The following KLHL1 variants were observed in gnomAD, a reference collection of about 807,000 sequenced individuals.
KLHL1 encodes the protein kelch-like protein 1.
A neutral mutation model predicts 77.7 loss-of-function variants in KLHL1; 47 were observed. The ratio of observed to expected loss-of-function variants is 0.60; its 90% CI spans 0.48 to 0.77. The LOEUF is 0.77. KLHL1 is among the 30% of genes least tolerant of loss of function. The pLI is 0.00. For missense variants in KLHL1, 925 were observed against 910.8 expected, an observed-to-expected ratio of 1.02 and a Z score of -0.20; for synonymous variants, 360 against 325.2, an observed-to-expected ratio of 1.11 and a Z score of -1.15.
intron 7 of KLHL1, among the ~76,000 whole-genome samples, chr13:69,758,694 G>T (rs1220225088): frequency 6.6e-6 from 1 of 152,002 alleles, no homozygotes; most frequent in Non-Finnish European, 1.5e-5. Context: ...AGCATTTATA[G>T]AAAAGAACCA....
At position 69,780,716 on chromosome 13, in the gene KLHL1, GTATATA is replaced by G. The variant is rs1290786295; in HGVS notation, c.1639+16016_1639+16021del. 2.5e-4 allele frequency among the ~76,000 whole-genome samples: 12 copies of G among 47,696 alleles called. No homozygotes were observed. The East Asian group carries it at 5.6e-3, about 22-fold the overall frequency. The allele number at this position is 47,696 out of a possible 152,430, so 31.3% of individuals were successfully genotyped here. A position where few individuals can be genotyped will look rare whatever the true frequency, so the allele number is the denominator to read the frequency against. ...TATATATATATGTATATATATATAT[GTATATA>G]TATATATATACATATATATATACAT... On this transcript the variant is annotated intron_variant, in intron 7 of 10. Transcript: ENST00000377844.
chr13:69,960,084 G>A (rs966583722), intron 3 of KLHL1, among the ~76,000 whole-genome samples: 33 of 147,724 alleles, frequency 2.2e-4, no homozygotes, highest in Admixed American at 6.8e-5. Context: ...TTGCTGCTTT[G>A]AGATTAAGCA....
rs1324246935 is a variant in KLHL1, at chr13:70,084,461, C to CTTTTTTTTTTTTTTTTTTTTTT, written c.497+22741_497+22742insAAAAAAAAAAAAAAAAAAAAAA. On this transcript the variant is annotated intron_variant, in intron 1 of 10. Coordinates refer to ENST00000377844, the MANE Select transcript of KLHL1 (RefSeq NM_020866.3). ...GATATTTTCTAGTCTATTTCTTCTT[C>CTTTTTTTTTTTTTTTTTTTTTT]TTCTTTTTTTTTTTTTGAGACGGAG... 2.6e-4 allele frequency among the ~76,000 whole-genome samples: 30 copies of CTTTTTTTTTTTTTTTTTTTTTT among 115,100 alleles called. 2 individuals are homozygous for CTTTTTTTTTTTTTTTTTTTTTT. The highest frequency in any genetic ancestry group is 3.1e-4 in the Non-Finnish European group (18 of 58,436). 75.5% of individuals were successfully genotyped at this position (115,100 alleles called of 152,430 possible).
intron 4 of KLHL1, among the ~76,000 whole-genome samples, chr13:69,936,297 A>G (rs949849064): frequency 2.0e-5 from 3 of 152,218 alleles, no homozygotes; most frequent in Non-Finnish European, 4.4e-5. Flanking sequence ...TATGTATATC[A>G]GAATATGGAG....
intron 1 of KLHL1, among the ~76,000 whole-genome samples, chr13:70,058,297 T>G (rs369947506): frequency 5.9e-5 from 9 of 152,328 alleles, no homozygotes; most frequent in African/African-American, 1.9e-4. Flanking sequence ...TTATCCTTGT[T>G]TGCAGATAAT....
At chr13:70,093,195 G>A (rs1357103474) in intron 1 of KLHL1, among the ~76,000 whole-genome samples, 3 of 152,070 alleles carry the variant, frequency 2.0e-5, no homozygotes, top group African/African-American at 7.2e-5. Flanking sequence ...TGAGGACAAG[G>A]GAAGAGAGAA....
rs188026640 is a variant in KLHL1 at position 69,782,278 on chromosome 13, C to T, written c.1639+14460G>A. Among the ~76,000 whole-genome samples the T allele has an allele frequency of 6.1e-3, 929 of 152,296 alleles. 9 individuals are homozygous for T. The highest frequency in any genetic ancestry group is 0.021 in the African/African-American group (874 of 41,576). ...CTTTCTGCATTTCCATCTGAGGTAC[C>T]GGGTTCATCTCACTAGGGAGTGCCA... On this transcript the variant is annotated intron_variant, in intron 7 of 10. Coordinates refer to ENST00000377844, the MANE Select transcript of KLHL1 (RefSeq NM_020866.3).
At chr13:69,937,464 T>G (rs1245759638) in intron 4 of KLHL1, among the ~76,000 whole-genome samples, 1 of 152,170 alleles carries the variant, frequency 6.6e-6, no homozygotes, top group African/African-American at 2.4e-5. Context: ...TATTCTAATC[T>G]GTTTCCGTTT....
At chr13:70,032,118 T>C (rs112724395) in intron 1 of KLHL1, among the ~76,000 whole-genome samples, 1 of 152,226 alleles carries the variant, frequency 6.6e-6, no homozygotes, top group African/African-American at 2.4e-5. Context: ...TAAAGGTTTA[T>C]TGTAAACATT....
At chr13:70,068,270 G>A (rs1044329557) in intron 1 of KLHL1, among the ~76,000 whole-genome samples, 3 of 152,074 alleles carry the variant, frequency 2.0e-5, no homozygotes, top group Non-Finnish European at 4.4e-5. Context: ...GAACCCGGGA[G>A]GCGGAGCTTG....
intron 1 of KLHL1, among the ~76,000 whole-genome samples, chr13:70,092,893 A>G (rs1887700551): frequency 6.6e-6 from 1 of 152,158 alleles, no homozygotes; most frequent in Non-Finnish European, 1.5e-5. Context: ...ACAGTATTGA[A>G]CAGCGCAGCC....
chr13:69,735,097 A>C (rs1032731414), intron 8 of KLHL1, among the ~76,000 whole-genome samples: 17 of 152,058 alleles, frequency 1.1e-4, no homozygotes, highest in South Asian at 2.1e-4. Flanking sequence ...TTATAGTTAG[A>C]GTATTTATGC....
chr13:69,818,703 A>G (rs1878223166), intron 6 of KLHL1, among the ~76,000 whole-genome samples: 1 of 152,110 alleles, frequency 6.6e-6, no homozygotes, highest in Admixed American at 6.6e-5. Context: ...GGCTGACATG[A>G]TTTTATTCAT....
chr13:70,000,865 AAAGAAT>A (rs1885270215), intron 1 of KLHL1, among the ~76,000 whole-genome samples: 1 of 151,460 alleles, frequency 6.6e-6, no homozygotes, highest in Admixed American at 6.6e-5. Context: ...AATCAAATAA[AAAGAAT>A]GAGGATAATA....
At chr13:69,812,379 A>T (rs1230723970) in intron 6 of KLHL1, among the ~76,000 whole-genome samples, 1 of 152,166 alleles carries the variant, frequency 6.6e-6, no homozygotes, top group Non-Finnish European at 1.5e-5. Flanking sequence ...TCCTAGAAGA[A>T]AACCTAGGGA....
intron 1 of KLHL1, among the ~76,000 whole-genome samples, chr13:70,030,157 AC>A (rs2137364611): frequency 6.6e-6 from 1 of 152,182 alleles, no homozygotes; most frequent in East Asian, 1.9e-4. Flanking sequence ...AGACTTTAAC[AC>A]CCCACTGTCA....
intron 1 of KLHL1, among the ~76,000 whole-genome samples, chr13:70,074,311 G>A (rs563138185): frequency 1.3e-5 from 2 of 152,010 alleles, no homozygotes; most frequent in African/African-American, 2.4e-5. Flanking sequence ...CCTTTCTGTC[G>A]TCTGTCTGGT....
At chr13:69,784,913 A>G (rs34058717) in intron 7 of KLHL1, among the ~76,000 whole-genome samples, 43,355 of 124,714 alleles carry the variant, frequency 0.35, 7,745 homozygotes, top group African/African-American at 0.42. Flanking sequence ...TTTTTGAGAC[A>G]GAGTCTCGCT....
At chr13:70,017,055 G>A (rs898428058) in intron 1 of KLHL1, among the ~76,000 whole-genome samples, 2 of 152,182 alleles carry the variant, frequency 1.3e-5, no homozygotes, top group African/African-American at 4.8e-5. Flanking sequence ...TCATTCTCCT[G>A]AGAACTGTTC....
Sources: allele counts gnomAD v4.1 joint callset (sites outside exome capture counted in the v4.1 genomes callset), GRCh38; gene constraint gnomAD v4.1.1; transcripts MANE v1.5; gene names NCBI Gene and HGNC (gene_info 2026-07-23, HGNC 2026-07-21).